The following NUDT6 variants were observed in gnomAD, a reference collection of about 807,000 sequenced individuals.
NUDT6 encodes the protein FAD diphosphatase NUDT6.
A neutral mutation model predicts 36.8 loss-of-function variants in NUDT6; 24 were observed. The observed-to-expected ratio is 0.65, with a 90% CI of 0.47 to 0.92. The LOEUF (loss-of-function observed/expected upper bound fraction) is 0.92, where lower values mean the gene tolerates loss of function less well. Among genes scored for constraint, NUDT6 ranks in the 40% least tolerant of loss-of-function variants. The pLI is 0.00. For missense variants in NUDT6, 388 were observed against 392.8 expected (o/e 0.99, Z 0.10); for synonymous variants, 163 against 157.0 (o/e 1.04, Z -0.29).
intron 3 of NUDT6, among the ~76,000 whole-genome samples, chr4:122,910,096 G>A (rs943947192): frequency 6.6e-6 from 1 of 152,146 alleles, no homozygotes; most frequent in African/African-American, 2.4e-5. Flanking sequence ...AACCATAAAA[G>A]TTTTAGTGGT....
At chr4:122,916,678 T>C (rs1302882720) in intron 2 of NUDT6, among the ~76,000 whole-genome samples, 1 of 152,224 alleles carries the variant, frequency 6.6e-6, no homozygotes, top group African/African-American at 2.4e-5. Flanking sequence ...ACTTCATCTA[T>C]TTAAAAGCAC....
intron 1 of NUDT6, chr4:122,920,183 C>T (rs1727942664): frequency 6.6e-6 from 1 of 152,096 alleles, no homozygotes; most frequent in Non-Finnish European, 1.5e-5. Flanking sequence ...TGTAAATAGT[C>T]TCTCTTTATA....
At chr4:122,921,232 T>A (rs996472929) in intron 1 of NUDT6, 2 of 152,226 alleles carry the variant, frequency 1.3e-5, no homozygotes, top group African/African-American at 4.8e-5. Flanking sequence ...GAGACAGCTG[T>A]TGACCCAATT....
At chr4:122,895,142 T>A (rs1007758157) in intron 4 of NUDT6, 1 of 152,200 alleles carries the variant, frequency 6.6e-6, no homozygotes, top group African/African-American at 2.4e-5. Context: ...CCCTTCCACC[T>A]CAAGATGGAT....
chr4:122,922,605 T>C (rs778620547), upstream of NUDT6: 4 of 1,552,958 alleles, frequency 2.6e-6, no homozygotes, highest in Admixed American at 6.9e-5. Flanking sequence ...GTTGCCCAAA[T>C]GACCCCTCCG....
At position 122,920,753 on chromosome 4, in the gene NUDT6, A is replaced by C. The variant is rs555422707; in HGVS notation, c.238+1582T>G. ...CCTGTGTCTACCCACACACTGGAAG[A>C]TAAAACGATTGATTCTCCTATTAGT... On this transcript the variant is annotated intron_variant, in intron 1 of 4. Coordinates refer to ENST00000304430, the MANE Select transcript of NUDT6 (RefSeq NM_007083.5). The C allele has an allele frequency of 3.3e-5, 5 of 152,372 alleles. No individual in the cohort carries two copies. The South Asian group carries it at 1.0e-3, about 32-fold the overall frequency. The allele number at this position is 152,372 out of a possible 1,614,324, so 9.4% of individuals were successfully genotyped here.
intron 2 of NUDT6, among the ~76,000 whole-genome samples, chr4:122,915,716 C>A (rs1727825638): frequency 6.6e-6 from 1 of 152,102 alleles, no homozygotes; most frequent in African/African-American, 2.4e-5. Context: ...ATTACCAATT[C>A]TGTAGTAATA....
chr4:122,901,227 A>G (rs142635723), intron 3 of NUDT6, among the ~76,000 whole-genome samples: 2 of 152,240 alleles, frequency 1.3e-5, no homozygotes, highest in Non-Finnish European at 2.9e-5. Context: ...TCTGATTTTC[A>G]CATACTACAA....
In NUDT6 at chr4:122,893,153, C is replaced by G. The variant is rs1048201; in HGVS notation, c.626G>C (p.Arg209Pro). 2.5e-6 allele frequency: 4 copies of G among 1,613,964 alleles called. No homozygotes were observed. Among genetic ancestry groups the G allele is most frequent in the Non-Finnish European group, 3.4e-6 (4 of 1,179,970 alleles). ...KSEFRSVLSI[R>P]QQHTNPGAFG... is the part of the protein sequence containing the mutation. Reference sequence around the variant, plus strand: ...AGCTCCAGGATTTGTGTGCTGTTGCCGAATACTCAGGACGGACCTGAATTC... The same window carrying G: ...AGCTCCAGGATTTGTGTGCTGTTGCGGAATACTCAGGACGGACCTGAATTC... Residue 209 changes from arginine (R) to proline (P), a missense_variant, in exon 5 of 5, where the codon CGG becomes CCG. Coordinates refer to ENST00000304430, the MANE Select transcript of NUDT6 (RefSeq NM_007083.5).
chr4:122,911,420 T>C (rs1727730777), intron 3 of NUDT6, among the ~76,000 whole-genome samples: 1 of 152,166 alleles, frequency 6.6e-6, no homozygotes. Context: ...TGCCTCCTAC[T>C]CTCTGGTCAT....
At chr4:122,914,692 G>A (rs1727795570) in intron 2 of NUDT6, among the ~76,000 whole-genome samples, 1 of 152,054 alleles carries the variant, frequency 6.6e-6, no homozygotes, top group Non-Finnish European at 1.5e-5. Context: ...TCTTCTCACT[G>A]TGCAATGCTG....
At chr4:122,916,816 T>C (rs1017113203) in intron 2 of NUDT6, among the ~76,000 whole-genome samples, 1 of 152,220 alleles carries the variant, frequency 6.6e-6, no homozygotes, top group Admixed American at 6.5e-5. Context: ...ACTACTCTTG[T>C]GCTTCGGGGC....
rs200722525 is a variant in NUDT6, at chr4:122,918,097, AT to A, written c.239-394del. ...ATCTTAAAGACAATTATGGACTTCT[AT>A]TTTTTTCTTCCTTTAGGAGTTCTGT... On this transcript the variant is annotated intron_variant, in intron 1 of 4. Transcript: ENST00000304430. The A allele has an allele frequency of 9.9e-3, 1,666 of 167,642 alleles. 17 individuals carry two copies. The highest frequency in any genetic ancestry group is 0.016 in the Non-Finnish European group (1,194 of 76,396). The allele number at this position is 167,642 out of a possible 1,614,324, so 10.4% of individuals were successfully genotyped here.
intron 3 of NUDT6, among the ~76,000 whole-genome samples, chr4:122,910,366 C>CT (rs1727708636): frequency 1.3e-5 from 2 of 152,110 alleles, no homozygotes; most frequent in Admixed American, 6.5e-5. Flanking sequence ...AGGAAAGCTC[C>CT]TTTTTTTCCA....
chr4:122,918,576 T>A (rs1051971458), intron 1 of NUDT6: 1 of 152,206 alleles, frequency 6.6e-6, no homozygotes, highest in Admixed American at 6.5e-5. Context: ...ATAAAGCGTG[T>A]GTGTGTGTCT....
intron 4 of NUDT6, chr4:122,894,372 C>A (rs536736816): frequency 6.6e-6 from 1 of 152,562 alleles, no homozygotes; most frequent in South Asian, 2.1e-4. Flanking sequence ...AGGAGGATCG[C>A]TTGAGCCCAG....
At chr4:122,912,848 A>C (rs1245090633) in intron 2 of NUDT6, among the ~76,000 whole-genome samples, 1 of 152,172 alleles carries the variant, frequency 6.6e-6, no homozygotes, top group Admixed American at 6.5e-5. Context: ...TGGGGATAGG[A>C]CCCAAGTTTA....
intron 2 of NUDT6, among the ~76,000 whole-genome samples, 196 bp downstream of exon 2, chr4:122,917,305 G>T (rs115928081): frequency 1.3e-3 from 195 of 152,268 alleles, no homozygotes; most frequent in African/African-American, 4.5e-3. Flanking sequence ...TATACATAGG[G>T]TTTGGTACTA....
intron 3 of NUDT6, among the ~76,000 whole-genome samples, chr4:122,909,758 G>T (rs1727696328): frequency 6.6e-6 from 1 of 152,128 alleles, no homozygotes; most frequent in Non-Finnish European, 1.5e-5. Flanking sequence ...AAGCCTAAAG[G>T]TATGACCTTC....
Sources: allele counts gnomAD v4.1 joint callset (sites outside exome capture counted in the v4.1 genomes callset), GRCh38; gene constraint gnomAD v4.1.1; transcripts MANE v1.5; gene names NCBI Gene and HGNC (gene_info 2026-07-23, HGNC 2026-07-21).